The following CCDC7 variants were observed in gnomAD, a reference collection of about 807,000 sequenced individuals.
The protein encoded by CCDC7 is coiled-coil domain-containing protein 7.
In CCDC7, 183 loss-of-function variants were observed where a neutral mutation model predicts 196.9. The observed-to-expected ratio is 0.93, with a 90% CI of 0.82 to 1.05. The LOEUF is 1.05. Ranked by LOEUF, CCDC7 falls within the 50% of genes least tolerant of loss-of-function variation. The probability of loss-of-function intolerance (pLI) is 0.00; values close to 1 mark genes in which losing one functional copy is unlikely to be tolerated. For missense variants in CCDC7, 1,540 were observed against 1,482.2 expected (o/e 1.04, Z -0.64); for synonymous variants, 525 against 484.6 (o/e 1.08, Z -1.10).
intron 33 of CCDC7, among the ~76,000 whole-genome samples, chr10:32,844,665 C>G (rs982136113): frequency 6.6e-6 from 1 of 151,700 alleles, no homozygotes; most frequent in Non-Finnish European, 1.5e-5. Flanking sequence ...ATGGTAAAGT[C>G]AGTGGTTAAG....
At chr10:32,793,440 A>C (rs1160156119) in intron 29 of CCDC7, among the ~76,000 whole-genome samples, 2 of 152,190 alleles carry the variant, frequency 1.3e-5, no homozygotes, top group African/African-American at 4.8e-5. Flanking sequence ...TACATATTTT[A>C]ATGTATATAT....
chr10:32,571,854 C>A lies in CCDC7; in HGVS notation c.1420-5C>A, dbSNP rs750024267. The A allele has an allele frequency of 6.4e-7, 1 of 1,561,564 alleles. No homozygotes were observed. Among genetic ancestry groups the A allele is most frequent in the Admixed American group, 2.0e-5 (1 of 50,058 alleles). On this transcript the variant is annotated splice_region_variant and splice_polypyrimidine_tract_variant and intron_variant, in intron 15 of 41. Transcript: ENST00000639629. ...TTTTTAAATGTAGTATTATCTTTAT[C>A]ACAGATCACTGCCCAAAGCGGAAGA... is the stretch of plus-strand genomic sequence containing the variant.
intron 28 of CCDC7, among the ~76,000 whole-genome samples, chr10:32,755,174 G>A (rs10827124): frequency 0.14 from 21,047 of 152,218 alleles, 1,761 homozygotes; most frequent in East Asian, 0.25. Flanking sequence ...TGCCTCTGTA[G>A]ACTCCACCTC....
intron 28 of CCDC7, among the ~76,000 whole-genome samples, chr10:32,774,400 G>C (rs1458372354): frequency 6.6e-6 from 1 of 152,014 alleles, no homozygotes; most frequent in Non-Finnish European, 1.5e-5. Flanking sequence ...TCTATAACCA[G>C]CTGGGAGACT....
At chr10:32,451,628 C>T (rs1228636697), upstream of CCDC7, 1 of 1,555,426 alleles carries the variant, frequency 6.4e-7, no homozygotes, top group Non-Finnish European at 8.7e-7. Flanking sequence ...ATTTGGAAGC[C>T]AAGTCAGTAA....
At chr10:32,816,656 G>A (rs1446143347) in intron 31 of CCDC7, among the ~76,000 whole-genome samples, 1 of 152,178 alleles carries the variant, frequency 6.6e-6, no homozygotes, top group Non-Finnish European at 1.5e-5. Context: ...GGAACGATCA[G>A]GCAGCAACAT....
At chr10:32,638,832 A>G (rs2066161848) in intron 20 of CCDC7, among the ~76,000 whole-genome samples, 1 of 152,190 alleles carries the variant, frequency 6.6e-6, no homozygotes, top group African/African-American at 2.4e-5. Flanking sequence ...TACCTCTGGT[A>G]GAATTCGGCT....
chr10:32,843,433 G>A (rs146099760), intron 33 of CCDC7, among the ~76,000 whole-genome samples: 310 of 151,944 alleles, frequency 2.0e-3, no homozygotes, highest in Middle Eastern at 0.01. Context: ...AATTGACTGT[G>A]GTCAGAGCTA....
intron 29 of CCDC7, among the ~76,000 whole-genome samples, chr10:32,782,526 C>T (rs1331083105): frequency 2.6e-5 from 4 of 152,062 alleles, no homozygotes; most frequent in African/African-American, 9.7e-5. Context: ...CCGTGCCCGG[C>T]CAGAAGACAA....
rs530078470 is a variant in CCDC7 at position 32,667,029 on chromosome 10, C to T, written c.2122+2868C>T. Among the ~76,000 whole-genome samples, 55 of 152,280 alleles carry T rather than the reference C, an allele frequency of 3.6e-4. No individual in the cohort carries two copies. In the East Asian group the frequency reaches 4.4e-3, roughly 12 times the overall value. Reference sequence around the variant, plus strand: ...CGTTCCTATTTCTCCACATCCTCTCCAGCACCTGTTGTTTCCTGACTTTTT... The same window carrying T: ...CGTTCCTATTTCTCCACATCCTCTCTAGCACCTGTTGTTTCCTGACTTTTT... On this transcript the variant is annotated intron_variant, in intron 21 of 41. Transcript: ENST00000639629.
At chr10:32,799,569 T>G (rs1368703838) in intron 29 of CCDC7, among the ~76,000 whole-genome samples, 2 of 152,310 alleles carry the variant, frequency 1.3e-5, no homozygotes, top group Admixed American at 1.3e-4. Context: ...CCTTCTTGGT[T>G]GTAGGAGGGG....
intron 18 of CCDC7, among the ~76,000 whole-genome samples, chr10:32,603,556 T>G (rs2061286959): frequency 6.6e-6 from 1 of 150,908 alleles, no homozygotes. Flanking sequence ...TGTACTAATT[T>G]ACATTCCCAC....
At chr10:32,513,106 T>C (rs537977300) in intron 9 of CCDC7, 6 of 150,586 alleles carry the variant, frequency 4.0e-5, no homozygotes, top group African/African-American at 1.3e-4. Context: ...AGAAAGCATA[T>C]AAAAGGAATT....
intron 24 of CCDC7, among the ~76,000 whole-genome samples, chr10:32,709,456 A>C (rs905223907): frequency 3.3e-5 from 5 of 152,140 alleles, no homozygotes; most frequent in Admixed American, 6.6e-5. Context: ...GTACCCTAGA[A>C]CTTAAAGTAT....
Position 32,679,502 on chromosome 10 carries a change from TG to T in CCDC7, c.2123-6465del, listed in dbSNP as rs1232533696. ...GTTGGATGGCATTAAGATTGCCACA[TG>T]GGCAATACAAGAGTGTAAGTAGTCG... is the stretch of plus-strand genomic sequence containing the variant. On this transcript the variant is annotated intron_variant, in intron 21 of 41. Transcript: ENST00000639629. Among the ~76,000 whole-genome samples the T allele has an allele frequency of 3.9e-5, 6 of 152,332 alleles. No homozygotes were observed. The South Asian group carries it at 1.0e-3, about 26-fold the overall frequency.
intron 18 of CCDC7, among the ~76,000 whole-genome samples, chr10:32,618,314 G>T (rs2063001159): frequency 6.6e-6 from 1 of 151,094 alleles, no homozygotes; most frequent in South Asian, 2.1e-4. Context: ...TTCTCTTTTT[G>T]TCTTTGTGGT....
chr10:32,831,052 A>G (rs937599238), intron 32 of CCDC7, among the ~76,000 whole-genome samples: 5 of 152,134 alleles, frequency 3.3e-5, no homozygotes, highest in African/African-American at 9.7e-5. Flanking sequence ...CATAGAGTAT[A>G]CTTACACAAA....
intron 29 of CCDC7, among the ~76,000 whole-genome samples, chr10:32,803,780 T>C (rs2085279778): frequency 6.6e-6 from 1 of 152,154 alleles, no homozygotes; most frequent in Non-Finnish European, 1.5e-5. Context: ...CATTTTGTTG[T>C]CTTCTAATTG....
intron 18 of CCDC7, among the ~76,000 whole-genome samples, chr10:32,600,199 G>A (rs2060847476): frequency 6.6e-6 from 1 of 151,936 alleles, no homozygotes; most frequent in Non-Finnish European, 1.5e-5. Context: ...CATGAGCATG[G>A]GATGTGTTTT....
Sources: gnomAD v4.1 joint callset for allele counts (sites outside exome capture counted in the v4.1 genomes callset) on GRCh38, gnomAD v4.1.1 for gene constraint, MANE v1.5 for transcripts, NCBI Gene and HGNC (gene_info 2026-07-23, HGNC 2026-07-21) for gene names.